ATP11C: variants seen among roughly 807,000 people sequenced by gnomAD.
The protein encoded by ATP11C is ATPase phospholipid transporting 11C (ATP11C blood group), also known as phospholipid-transporting ATPase IG.
In ATP11C, 36 loss-of-function variants were observed where a neutral mutation model predicts 97.4. The ratio of observed to expected loss-of-function variants is 0.37; its 90% CI spans 0.28 to 0.49. The LOEUF (loss-of-function observed/expected upper bound fraction) is 0.49. ATP11C is among the 20% of genes least tolerant of loss of function. ATP11C has a pLI of 0.98. For synonymous variants in ATP11C, 275 were observed against 290.9 expected (o/e 0.95, Z 0.56); for missense variants, 730 against 824.6 (o/e 0.89, Z 1.40).
At chrX:139,847,407 T>A (rs2083926006) in intron 1 of ATP11C, among the ~76,000 whole-genome samples, 1 of 107,253 alleles carries the variant, frequency 9.3e-6, no homozygotes, top group Non-Finnish European at 1.9e-5. Context: ...AAACTAGCTA[T>A]GTCCTATATG....
intron 1 of ATP11C, among the ~76,000 whole-genome samples, chrX:139,852,678 T>C (rs2084017578): frequency 9.1e-6 from 1 of 109,878 alleles, no homozygotes; most frequent in Admixed American, 9.7e-5. Context: ...CAAGTCCTAC[T>C]GCAGGATGGA....
intron 2 of ATP11C, among the ~76,000 whole-genome samples, chrX:139,822,993 G>A (rs2083447480): frequency 9.1e-6 from 1 of 110,355 alleles, no homozygotes; most frequent in African/African-American, 3.3e-5. Context: ...GAGGTGGGTG[G>A]ATCACCTGCA....
At chrX:139,744,560 A>C (rs755304300) in intron 25 of ATP11C, among the ~76,000 whole-genome samples, 3 of 112,260 alleles carry the variant, frequency 2.7e-5, no homozygotes, top group Non-Finnish European at 5.6e-5. Flanking sequence ...AGCAGTAGCC[A>C]GCTACATAAA....
chrX:139,878,901 T>A (rs745685984), intron 1 of ATP11C, among the ~76,000 whole-genome samples: 5 of 109,201 alleles, frequency 4.6e-5, no homozygotes, highest in African/African-American at 1.7e-4. Flanking sequence ...GGGGGAATCA[T>A]AGAAAGGAGA....
At chrX:139,756,315 C>CA (rs949313953) in intron 23 of ATP11C, among the ~76,000 whole-genome samples, 13 of 111,668 alleles carry the variant, frequency 1.2e-4, no homozygotes, top group African/African-American at 4.2e-4. Flanking sequence ...ATTAAAAAGT[C>CA]AAAAAAGTAA....
chrX:139,728,102 T>C lies in ATP11C; in HGVS notation c.*864A>G, dbSNP rs1297636016. Reference sequence around the variant, plus strand: ...ATTCAGAATGACCTTTATTTTTATATAACTATGGTTTAAACCACCTTACTG... The same window carrying C: ...ATTCAGAATGACCTTTATTTTTATACAACTATGGTTTAAACCACCTTACTG... On this transcript the variant is annotated 3_prime_UTR_variant, in exon 30 of 30. Transcript: ENST00000682941. The C allele has an allele frequency of 3.6e-5, 4 of 112,314 alleles. No individual in the cohort carries two copies. Among genetic ancestry groups the C allele is most frequent in the African/African-American group, 1.3e-4 (4 of 30,979 alleles). The allele number at this position is 112,314 out of a possible 1,213,427, so 9.3% of individuals were successfully genotyped here.
chrX:139,831,259 AC>A (rs2083643237), intron 1 of ATP11C, among the ~76,000 whole-genome samples: 1 of 110,641 alleles, frequency 9.0e-6, no homozygotes, highest in African/African-American at 3.3e-5. Flanking sequence ...ATTCTCAAAC[AC>A]CTGACCAAAG....
At position 139,802,314 on chromosome X, in the gene ATP11C, A is replaced by G; in HGVS notation, c.581T>C (p.Ile194Thr). 1 of 1,202,826 alleles carries G rather than the reference A, an allele frequency of 8.3e-7. No individual in the cohort carries two copies. Among genetic ancestry groups the G allele is most frequent in the Non-Finnish European group, 1.1e-6 (1 of 887,435 alleles). The change falls in exon 7 of 30, where the codon ATT becomes ACT. Residue 194 changes from isoleucine to threonine, a missense_variant. Physicochemically the swap from Ile to Thr is moderately conservative, Grantham distance 89 (BLOSUM62 -1). Transcript: ENST00000682941. ...CKTHYAVRDT[I>T]ALCTAESIDT... ...GATGGATTCTGCTGTACACAGTGCA[A>G]TGGTATCACGTACTGCATAATGTGT... is the stretch of plus-strand genomic sequence containing the variant.
Position 139,850,990 on chromosome X carries a change from G to C in ATP11C, c.28-24167C>G, listed in dbSNP as rs2083980491. Reference sequence around the variant, plus strand: ...GCTTGGCCAGGTACAGAATGAAAAAGCATTCCTGGGGAGCAAACCAACGGT... The same window carrying C: ...GCTTGGCCAGGTACAGAATGAAAAACCATTCCTGGGGAGCAAACCAACGGT... On this transcript the variant is annotated intron_variant, in intron 1 of 29. Transcript: ENST00000682941. Among the ~76,000 whole-genome samples the C allele has an allele frequency of 3.6e-5, 4 of 111,712 alleles. No individual in the cohort carries two copies. The South Asian group carries it at 1.5e-3, about 42-fold the overall frequency.
At position 139,861,672 on chromosome X, in the gene ATP11C, GGACT is replaced by G. The variant is rs762314266; in HGVS notation, c.28-34853_28-34850del. On this transcript the variant is annotated intron_variant, in intron 1 of 29. Transcript: ENST00000682941. ...GCGAAGCCAAAATTTGTATCTCAATGGACTGACTCTCAAGCCTGCATACCTAACA... is the reference window on the plus strand; with the variant it reads ...GCGAAGCCAAAATTTGTATCTCAATGGACTCTCAAGCCTGCATACCTAACA... Among the ~76,000 whole-genome samples the G allele has an allele frequency of 3.3e-3, 359 of 110,090 alleles. 3 individuals carry two copies. The highest frequency in any genetic ancestry group is 0.011 in the African/African-American group (337 of 30,179).
At chrX:139,862,674 G>C (rs1266218418) in intron 1 of ATP11C, among the ~76,000 whole-genome samples, 2 of 111,527 alleles carry the variant, frequency 1.8e-5, no homozygotes, top group African/African-American at 6.5e-5. Flanking sequence ...TTGAAGAGGA[G>C]AAAATAGAGG....
intron 1 of ATP11C, among the ~76,000 whole-genome samples, chrX:139,921,347 C>T (rs184537463): frequency 1.9e-3 from 216 of 111,169 alleles, no homozygotes; most frequent in African/African-American, 6.9e-3. Context: ...CTCACGAGAT[C>T]TGACGGTTTC....
chrX:139,864,654 A>C (rs1008307656), intron 1 of ATP11C, among the ~76,000 whole-genome samples: 4 of 112,213 alleles, frequency 3.6e-5, no homozygotes, highest in African/African-American at 9.7e-5. Context: ...CGTAAATGTT[A>C]ATTTCCATCA....
At chrX:139,781,626 A>T (rs1438537882) in intron 18 of ATP11C, among the ~76,000 whole-genome samples, 3 of 111,959 alleles carry the variant, frequency 2.7e-5, no homozygotes, top group Non-Finnish European at 5.6e-5. Flanking sequence ...CTGAGGTGTG[A>T]GAATCACTTG....
At chrX:139,920,037 T>C (rs1220916926) in intron 1 of ATP11C, among the ~76,000 whole-genome samples, 1 of 111,481 alleles carries the variant, frequency 9.0e-6, no homozygotes, top group East Asian at 2.8e-4. Context: ...AAATGTGCTC[T>C]CTCCATAAAA....
chrX:139,873,766 C>A (rs1237562808), intron 1 of ATP11C, among the ~76,000 whole-genome samples: 6 of 76,173 alleles, frequency 7.9e-5, no homozygotes, highest in African/African-American at 1.1e-4. Context: ...TATGTTACTA[C>A]AATTTAAAAA....
At chrX:139,918,690 AAAAAAAGGG>A (rs1334682121) in intron 1 of ATP11C, among the ~76,000 whole-genome samples, 1 of 108,497 alleles carries the variant, frequency 9.2e-6, no homozygotes, top group East Asian at 2.9e-4. Context: ...AAAAAAAAAA[AAAAAAAGGG>A]AAGAAAATCC....
intron 1 of ATP11C, among the ~76,000 whole-genome samples, chrX:139,917,264 G>C (rs914691827): frequency 2.7e-5 from 3 of 111,608 alleles, no homozygotes; most frequent in African/African-American, 9.8e-5. Flanking sequence ...CATGACATTT[G>C]GATTTGACAG....
intron 23 of ATP11C, among the ~76,000 whole-genome samples, chrX:139,755,101 C>T (rs955331951): frequency 2.7e-5 from 3 of 111,683 alleles, no homozygotes; most frequent in African/African-American, 9.8e-5. Flanking sequence ...ATAGTCTTGC[C>T]CCAAAAGCTC....
Sources: allele counts gnomAD v4.1 joint callset (sites outside exome capture counted in the v4.1 genomes callset), GRCh38; gene constraint gnomAD v4.1.1; transcripts MANE v1.5; gene names NCBI Gene and HGNC (gene_info 2026-07-23, HGNC 2026-07-21).